Variants in TRABD2B observed in about 807,000 individuals in gnomAD.
TRABD2B encodes the protein metalloprotease TIKI2.
In TRABD2B, 14 loss-of-function variants were observed where a neutral mutation model predicts 40.1. That is an observed-to-expected ratio of 0.35 (90% confidence interval 0.23 to 0.55). The LOEUF (loss-of-function observed/expected upper bound fraction) is 0.55, where lower values mean the gene tolerates loss of function less well. TRABD2B is among the 20% of genes least tolerant of loss of function. The probability of loss-of-function intolerance (pLI) is 0.90; values close to 1 mark genes in which losing one functional copy is unlikely to be tolerated. For synonymous variants in TRABD2B, 263 were observed against 277.0 expected (o/e 0.95, Z 0.50); for missense variants, 541 against 648.6 (o/e 0.83, Z 1.80).
intron 2 of TRABD2B, among the ~76,000 whole-genome samples, chr1:47,929,465 GCTCC>G (rs2124757329): frequency 6.6e-6 from 1 of 152,308 alleles, no homozygotes; most frequent in South Asian, 2.1e-4. Context: ...CTTCTTCCTT[GCTCC>G]CCATTTCATT....
intron 2 of TRABD2B, among the ~76,000 whole-genome samples, chr1:47,817,580 T>C (rs1645051229): frequency 6.6e-6 from 1 of 152,116 alleles, no homozygotes. Context: ...GGGGCACGGA[T>C]GTCGGCTGTG....
chr1:47,921,464 T>C (rs1557658569), intron 2 of TRABD2B, among the ~76,000 whole-genome samples: 1 of 152,166 alleles, frequency 6.6e-6, no homozygotes, highest in Non-Finnish European at 1.5e-5. Flanking sequence ...ACACACAACT[T>C]TCATGACAAG....
intron 2 of TRABD2B, among the ~76,000 whole-genome samples, chr1:47,959,484 A>G (rs1390871203): frequency 6.6e-6 from 1 of 152,222 alleles, no homozygotes; most frequent in East Asian, 1.9e-4. Flanking sequence ...AGAAGAAAGG[A>G]GAGACGAATC....
At position 47,778,455 on chromosome 1, in the gene TRABD2B, T is replaced by G; in HGVS notation, c.1078A>C (p.Ser360Arg). ...AAGGCACACCCAGATGTGGCTTACC[T>G]GTGTATGGCCTGCCCGGCGGGTGTG... ...DHTPAGQAIH[S>R]PAPQSPAPSP... Residue 360 changes from serine to arginine, a missense_variant and splice_region_variant, in exon 5 of 7, where the codon AGC (serine) becomes CGC (arginine). Ser to Arg is a moderately radical substitution (Grantham distance 110). This residue lies in a region of TRABD2B where 172 missense variants were observed against 155.8 expected (regional missense o/e 1.10). Coordinates refer to ENST00000606738, the MANE Select transcript of TRABD2B (RefSeq NM_001194986.2). 6.5e-7 allele frequency: 1 copy of G among 1,535,426 alleles called. No individual in the cohort carries two copies. Among genetic ancestry groups the G allele is most frequent in the South Asian group, 1.2e-5 (1 of 84,054 alleles).
chr1:47,777,767 T>C (rs918976841), intron 5 of TRABD2B, among the ~76,000 whole-genome samples: 7 of 152,198 alleles, frequency 4.6e-5, no homozygotes, highest in Non-Finnish European at 8.8e-5. Context: ...GTCACTGACC[T>C]CTGGGGCTCC....
chr1:47,948,542 A>C (rs1020632408), intron 2 of TRABD2B, among the ~76,000 whole-genome samples: 1 of 152,154 alleles, frequency 6.6e-6, no homozygotes, highest in Non-Finnish European at 1.5e-5. Flanking sequence ...AGACCTCCCT[A>C]TCTCTTTCCA....
chr1:47,836,953 G>T (rs1392679441), intron 2 of TRABD2B, among the ~76,000 whole-genome samples: 1 of 152,200 alleles, frequency 6.6e-6, no homozygotes, highest in African/African-American at 2.4e-5. Flanking sequence ...CCAGTCTATG[G>T]CATTTAGGTC....
chr1:47,805,476 C>G (rs1483678149), intron 2 of TRABD2B, among the ~76,000 whole-genome samples: 2 of 152,040 alleles, frequency 1.3e-5, no homozygotes, highest in African/African-American at 4.8e-5. Flanking sequence ...TTTGGTGTCT[C>G]CCAAAGACCC....
intron 2 of TRABD2B, among the ~76,000 whole-genome samples, chr1:47,927,867 C>G (rs747932601): frequency 1.2e-4 from 19 of 152,174 alleles, no homozygotes; most frequent in Middle Eastern, 3.4e-3. Flanking sequence ...TGAGCAAGAC[C>G]TCTGCTTCTC....
At chr1:47,828,889 C>T (rs1486664046) in intron 2 of TRABD2B, among the ~76,000 whole-genome samples, 5 of 152,324 alleles carry the variant, frequency 3.3e-5, no homozygotes, top group African/African-American at 1.2e-4. Context: ...TATGACCCAG[C>T]CCCCTTCCCC....
chr1:47,951,200 A>G (rs1284643751), intron 2 of TRABD2B, among the ~76,000 whole-genome samples: 1 of 152,176 alleles, frequency 6.6e-6, no homozygotes, highest in African/African-American at 2.4e-5. Flanking sequence ...GCAGACAGGC[A>G]GGCGGGCAGG....
intron 2 of TRABD2B, among the ~76,000 whole-genome samples, chr1:47,901,189 TG>T (rs1274561482): frequency 2.0e-5 from 3 of 152,218 alleles, no homozygotes; most frequent in Admixed American, 2.0e-4. Flanking sequence ...GTAAGGCAGA[TG>T]GCCTGGCCTT....
chr1:47,993,942 CT>C, intron 2 of TRABD2B, 91 bp downstream of exon 2: 1 of 1,323,332 alleles, frequency 7.6e-7, no homozygotes, highest in Non-Finnish European at 1.0e-6. Context: ...CTCTGGCTGC[CT>C]CCCCCTCCCC....
intron 2 of TRABD2B, among the ~76,000 whole-genome samples, chr1:47,900,688 T>C (rs1303833324): frequency 6.6e-6 from 1 of 152,156 alleles, no homozygotes; most frequent in Non-Finnish European, 1.5e-5. Context: ...AAAAACCTAG[T>C]TTCCTTTTCT....
intron 2 of TRABD2B, among the ~76,000 whole-genome samples, chr1:47,902,397 C>T (rs575303576): frequency 6.6e-6 from 1 of 152,268 alleles, no homozygotes; most frequent in East Asian, 1.9e-4. Context: ...CAGAGAAGAA[C>T]CGAGACCCAC....
At chr1:47,967,624 C>A (rs1372932843) in intron 2 of TRABD2B, among the ~76,000 whole-genome samples, 2 of 152,146 alleles carry the variant, frequency 1.3e-5, no homozygotes, top group African/African-American at 4.8e-5. Context: ...AGTAAGAAGT[C>A]AAAATGTTCT....
intron 2 of TRABD2B, among the ~76,000 whole-genome samples, chr1:47,859,218 C>G (rs1643930940): frequency 6.6e-6 from 1 of 152,172 alleles, no homozygotes; most frequent in Admixed American, 6.5e-5. Context: ...CCCATCCTTC[C>G]TTTCTTTTTC....
intron 2 of TRABD2B, among the ~76,000 whole-genome samples, chr1:47,874,252 A>ATTTTTTTTTTTTTTTTTT (rs61411862): frequency 3.3e-5 from 3 of 90,520 alleles, no homozygotes; most frequent in Non-Finnish European, 5.9e-5. Context: ...TGATTAATTA[A>ATTTTTTTTTTTTTTTTTT]TTTTTTTTTT....
intron 2 of TRABD2B, among the ~76,000 whole-genome samples, chr1:47,930,312 G>A (rs1041775438): frequency 6.6e-6 from 1 of 152,226 alleles, no homozygotes; most frequent in African/African-American, 2.4e-5. Flanking sequence ...TAAGGCAGGC[G>A]AAAGCAGAGT....
Sources: allele counts gnomAD v4.1 joint callset (sites outside exome capture counted in the v4.1 genomes callset), GRCh38; gene constraint gnomAD v4.1.1; regional missense constraint gnomAD v4.1.1; transcripts MANE v1.5; gene names NCBI Gene and HGNC (gene_info 2026-07-23, HGNC 2026-07-21).